ZFHX3: variants seen among roughly 807,000 people sequenced by gnomAD.
The protein encoded by ZFHX3 is zinc finger homeobox protein 3.
In ZFHX3, 42 loss-of-function variants were observed where a neutral mutation model predicts 279.1. That is an observed-to-expected ratio of 0.15 (90% confidence interval 0.12 to 0.19). The LOEUF (loss-of-function observed/expected upper bound fraction) is 0.19, where lower values mean the gene tolerates loss of function less well. ZFHX3 is among the 10% of genes least tolerant of loss of function. The pLI is 1.00. For synonymous variants in ZFHX3, 2,293 were observed against 1,957.8 expected (o/e 1.17, Z -4.52); for missense variants, 4,981 against 4,754.0 (o/e 1.05, Z -1.40).
At chr16:73,618,601 C>A (rs903605721) in intron 2 of ZFHX3, among the ~76,000 whole-genome samples, 4 of 152,206 alleles carry the variant, frequency 2.6e-5, no homozygotes, top group Non-Finnish European at 5.9e-5. Context: ...TCAAGACTCA[C>A]AGGTGGATTT....
At chr16:72,791,981 G>A (rs945309890) in intron 9 of ZFHX3, among the ~76,000 whole-genome samples, 1 of 152,180 alleles carries the variant, frequency 6.6e-6, no homozygotes, top group African/African-American at 2.4e-5. Context: ...ACATTTTGAA[G>A]GCAAGGTAGC....
At chr16:73,220,454 A>G (rs1487395563) in intron 5 of ZFHX3, among the ~76,000 whole-genome samples, 1 of 152,216 alleles carries the variant, frequency 6.6e-6, no homozygotes, top group African/African-American at 2.4e-5. Flanking sequence ...GTGGGTTTCC[A>G]TTGACAAGTC....
chr16:73,399,022 G>GC (rs1304619733), intron 3 of ZFHX3, among the ~76,000 whole-genome samples: 6 of 141,270 alleles, frequency 4.2e-5, no homozygotes, highest in East Asian at 2.1e-4. Context: ...GCACCACCAT[G>GC]CCCCCCGCTA....
intron 1 of ZFHX3, among the ~76,000 whole-genome samples, chr16:73,771,279 G>A (rs1004579769): frequency 2.0e-5 from 3 of 152,160 alleles, no homozygotes; most frequent in Non-Finnish European, 4.4e-5. Flanking sequence ...AAGTTTCCAA[G>A]TGGTACTACA....
intron 2 of ZFHX3, among the ~76,000 whole-genome samples, chr16:73,505,862 T>C (rs1441530352): frequency 6.6e-6 from 1 of 152,254 alleles, no homozygotes; most frequent in Admixed American, 6.5e-5. Context: ...AATAGGCTCA[T>C]GAGAGCAGAA....
chr16:73,061,675 ACTTC>A (rs1460759978), upstream of ZFHX3: 2 of 152,106 alleles, frequency 1.3e-5, no homozygotes, highest in Non-Finnish European at 2.9e-5. Flanking sequence ...GAATATATTC[ACTTC>A]CTTTTTATCT....
chr16:73,508,349 G>A (rs1232320234), intron 2 of ZFHX3, among the ~76,000 whole-genome samples: 2 of 152,170 alleles, frequency 1.3e-5, no homozygotes, highest in African/African-American at 4.8e-5. Flanking sequence ...CTAAAAAGAA[G>A]GAGGAGAAAG....
At chr16:73,036,669 C>G (rs1283439036) in intron 1 of ZFHX3, among the ~76,000 whole-genome samples, 7 of 151,984 alleles carry the variant, frequency 4.6e-5, no homozygotes, top group Admixed American at 4.6e-4. Context: ...CTGGGTGTAT[C>G]AGGGGAACTG....
intron 8 of ZFHX3, among the ~76,000 whole-genome samples, chr16:73,082,559 G>A (rs1048312787): frequency 1.3e-5 from 2 of 152,106 alleles, no homozygotes; most frequent in African/African-American, 2.4e-5. Flanking sequence ...GTGAGCCACC[G>A]TGCCCAGCCA....
upstream of ZFHX3, among the ~76,000 whole-genome samples, chr16:73,049,768 G>C (rs1007783696): frequency 7.2e-5 from 11 of 152,274 alleles, no homozygotes; most frequent in African/African-American, 7.2e-5. Flanking sequence ...TTGCAAACCA[G>C]ACTATGGTCA....
chr16:73,070,928 GCGCGCGCGCGCACACA>G (rs1174140528), intron 8 of ZFHX3, among the ~76,000 whole-genome samples: 574 of 31,394 alleles, frequency 0.018, 1 homozygote, highest in Non-Finnish European at 0.021. Flanking sequence ...GCGCGCGCGC[GCGCGCGCGCGCACACA>G]CACACACACA....
At chr16:73,004,985 C>A (rs1963652941) in intron 1 of ZFHX3, among the ~76,000 whole-genome samples, 8 of 152,188 alleles carry the variant, frequency 5.3e-5, no homozygotes, top group Admixed American at 5.2e-4. Flanking sequence ...TGTCCTACAA[C>A]CATTTATTGC....
intron 3 of ZFHX3, among the ~76,000 whole-genome samples, chr16:73,377,523 T>G (rs1466850377): frequency 6.6e-6 from 1 of 152,138 alleles, no homozygotes; most frequent in African/African-American, 2.4e-5. Flanking sequence ...GAAATCAATG[T>G]GTAAAGATGA....
At chr16:73,355,144 AACCGAG>A (rs1177485554) in intron 3 of ZFHX3, among the ~76,000 whole-genome samples, 1 of 152,200 alleles carries the variant, frequency 6.6e-6, no homozygotes, top group African/African-American at 2.4e-5. Flanking sequence ...TTCAACCTTG[AACCGAG>A]ATTCCATCTT....
chr16:72,798,786 G>C lies in ZFHX3; in HGVS notation c.3968-72C>G, dbSNP rs58978256. On this transcript the variant is annotated intron_variant, in intron 8 of 9. Transcript: ENST00000268489. The stretch of plus-strand genomic sequence containing the variant: ...TGTTTCAAGGATGGCACCCAGAGCG[G>C]TCTACCTAGTCAGGCCTCATGAACA... 610 of 1,490,784 alleles carry C rather than the reference G, an allele frequency of 4.1e-4. 1 individual carries two copies. The African/African-American group carries it at 8.1e-3, about 20-fold the overall frequency. The allele number at this position is 1,490,784 out of a possible 1,614,324, so 92.3% of individuals were successfully genotyped here. A position where few individuals can be genotyped will look rare whatever the true frequency, so the allele number is the denominator to read the frequency against.
chr16:73,538,243 T>C (rs1186319419), intron 2 of ZFHX3, among the ~76,000 whole-genome samples: 8 of 152,172 alleles, frequency 5.3e-5, no homozygotes, highest in African/African-American at 1.9e-4. Context: ...TGGAAAAGAC[T>C]TCATGTCACC....
intron 8 of ZFHX3, among the ~76,000 whole-genome samples, chr16:73,068,134 C>G (rs961360223): frequency 6.6e-6 from 1 of 152,178 alleles, no homozygotes; most frequent in Non-Finnish European, 1.5e-5. Context: ...TTATTAGTCC[C>G]ATCTTATAGA....
intron 1 of ZFHX3, among the ~76,000 whole-genome samples, chr16:73,866,246 C>T (rs1275775553): frequency 2.2e-5 from 3 of 134,340 alleles, no homozygotes; most frequent in African/African-American, 8.4e-5. Context: ...GTGGTACGAT[C>T]TCGGCTCATT....
At chr16:73,883,931 G>C (rs2030262094) in intron 1 of ZFHX3, among the ~76,000 whole-genome samples, 1 of 151,952 alleles carries the variant, frequency 6.6e-6, no homozygotes, top group African/African-American at 2.4e-5. Flanking sequence ...AAGTTACTTT[G>C]GAAATTTCAA....
Sources: allele counts gnomAD v4.1 joint callset (sites outside exome capture counted in the v4.1 genomes callset), GRCh38; gene constraint gnomAD v4.1.1; transcripts MANE v1.5; gene names NCBI Gene and HGNC (gene_info 2026-07-23, HGNC 2026-07-21).